The following NRG3 variants were observed in gnomAD, a reference collection of about 807,000 sequenced individuals.
NRG3 encodes the protein pro-neuregulin-3, membrane-bound isoform.
NRG3 carries 31 observed loss-of-function variants against 66.9 expected under a neutral mutation model. That is an observed-to-expected ratio of 0.46 (90% CI 0.35 to 0.63). NRG3 has a LOEUF of 0.63. Ranked by LOEUF, NRG3 falls within the 20% of genes least tolerant of loss-of-function variation. The pLI is 0.00. For synonymous variants in NRG3, 393 were observed against 359.4 expected (o/e 1.09, Z -1.06); for missense variants, 910 against 878.9 (o/e 1.04, Z -0.45).
intron 1 of NRG3, among the ~76,000 whole-genome samples, chr10:82,235,198 T>C (rs2076694736): frequency 6.6e-6 from 1 of 152,240 alleles, no homozygotes; most frequent in Non-Finnish European, 1.5e-5. Flanking sequence ...GGAACACAGC[T>C]GCACCCTTTC....
At chr10:82,374,727 T>G (rs2085103114) in intron 2 of NRG3, among the ~76,000 whole-genome samples, 1 of 152,134 alleles carries the variant, frequency 6.6e-6, no homozygotes, top group Non-Finnish European at 1.5e-5. Flanking sequence ...GAACTAAGCC[T>G]TGCTGCTCAG....
intron 1 of NRG3, among the ~76,000 whole-genome samples, chr10:82,295,275 G>T (rs2079992406): frequency 6.6e-6 from 1 of 152,172 alleles, no homozygotes; most frequent in Non-Finnish European, 1.5e-5. Flanking sequence ...ATGTAGATGG[G>T]ATTCCATGGA....
chr10:82,013,032 A>G (rs1181127330), intron 1 of NRG3, among the ~76,000 whole-genome samples: 2 of 151,878 alleles, frequency 1.3e-5, no homozygotes, highest in Non-Finnish European at 2.9e-5. Flanking sequence ...GCTGCACCCC[A>G]CTCTACCAGT....
intron 2 of NRG3, among the ~76,000 whole-genome samples, chr10:82,456,217 C>G (rs931189346): frequency 6.8e-6 from 1 of 146,270 alleles, no homozygotes; most frequent in South Asian, 2.2e-4. Flanking sequence ...GATCATGGCT[C>G]ACTCCCACCT....
chr10:82,501,474 C>T (rs927063790), intron 2 of NRG3, among the ~76,000 whole-genome samples: 1 of 152,134 alleles, frequency 6.6e-6, no homozygotes, highest in Non-Finnish European at 1.5e-5. Context: ...CCATGACCTG[C>T]CAGCCCCTTC....
intron 3 of NRG3, among the ~76,000 whole-genome samples, chr10:82,854,087 G>A (rs1019933969): frequency 6.6e-6 from 1 of 152,166 alleles, no homozygotes; most frequent in African/African-American, 2.4e-5. Flanking sequence ...ATATGCTATT[G>A]GAAAGGCACT....
At chr10:82,095,763 A>T (rs570740917) in intron 1 of NRG3, among the ~76,000 whole-genome samples, 103 of 152,344 alleles carry the variant, frequency 6.8e-4, no homozygotes, top group Admixed American at 1.5e-3. Flanking sequence ...CCTCTCTGGG[A>T]ATGAGCTAAA....
chr10:82,280,907 C>T (rs1206029998), intron 1 of NRG3, among the ~76,000 whole-genome samples: 2 of 152,322 alleles, frequency 1.3e-5, no homozygotes, highest in Middle Eastern at 3.4e-3. Flanking sequence ...CCAGAGCAGA[C>T]CCATGCCTGC....
At chr10:82,689,019 G>GA (rs1489766303) in intron 2 of NRG3, among the ~76,000 whole-genome samples, 1 of 152,046 alleles carries the variant, frequency 6.6e-6, no homozygotes, top group African/African-American at 2.4e-5. Context: ...TTCCTTAGCA[G>GA]AAAAAATGTT....
chr10:82,097,435 ATATAT>A (rs1040832863), intron 1 of NRG3, among the ~76,000 whole-genome samples: 1 of 144,472 alleles, frequency 6.9e-6, no homozygotes, highest in African/African-American at 2.6e-5. Context: ...ATATATATAT[ATATAT>A]ATCTGTAATA....
chr10:82,516,334 T>C (rs1390810916), intron 2 of NRG3, among the ~76,000 whole-genome samples: 1 of 152,138 alleles, frequency 6.6e-6, no homozygotes, highest in Non-Finnish European at 1.5e-5. Flanking sequence ...ATCTAGGACT[T>C]ACTGCAGCAG....
intron 1 of NRG3, among the ~76,000 whole-genome samples, chr10:81,887,905 T>C (rs1273094842): frequency 6.6e-6 from 1 of 152,150 alleles, no homozygotes; most frequent in African/African-American, 2.4e-5. Context: ...ATATGGGTGC[T>C]GGTTACATGA....
chr10:82,591,098 T>C (rs1376137891), intron 2 of NRG3, among the ~76,000 whole-genome samples: 1 of 152,202 alleles, frequency 6.6e-6, no homozygotes, highest in African/African-American at 2.4e-5. Flanking sequence ...ACATTTCATA[T>C]TCTTTTCACT....
intron 2 of NRG3, among the ~76,000 whole-genome samples, chr10:82,531,124 G>A (rs687758): frequency 0.35 from 52,654 of 151,290 alleles, 10,530 homozygotes; most frequent in African/African-American, 0.55. Context: ...TTTAGTGAAA[G>A]TATTTTCTCA....
At chr10:82,425,148 C>T (rs546621320) in intron 2 of NRG3, among the ~76,000 whole-genome samples, 6 of 152,148 alleles carry the variant, frequency 3.9e-5, no homozygotes, top group Admixed American at 3.3e-4. Context: ...TCTCTACGAA[C>T]TTAGGATTAA....
chr10:82,800,087 G>A (rs945437436), intron 3 of NRG3, among the ~76,000 whole-genome samples: 2 of 151,786 alleles, frequency 1.3e-5, no homozygotes, highest in South Asian at 4.2e-4. Flanking sequence ...TTCCTCTTTG[G>A]ATTTATAGCC....
chr10:82,888,642 A>G (rs1301192592), intron 4 of NRG3, among the ~76,000 whole-genome samples: 1 of 152,206 alleles, frequency 6.6e-6, no homozygotes. Context: ...GAATGATTAA[A>G]ACTGACAAAG....
chr10:82,721,198 C>G (rs1185114092), intron 2 of NRG3, among the ~76,000 whole-genome samples: 4 of 121,158 alleles, frequency 3.3e-5, no homozygotes, highest in Non-Finnish European at 6.4e-5. Context: ...GTAGCGTGAT[C>G]TCCGCTCACT....
intron 1 of NRG3, among the ~76,000 whole-genome samples, chr10:81,914,427 A>G (rs963841081): frequency 5.3e-5 from 8 of 152,044 alleles, no homozygotes; most frequent in African/African-American, 1.9e-4. Flanking sequence ...AAAATGCTCA[A>G]TTTGCTCTTA....
Sources: allele counts gnomAD v4.1 joint callset (sites outside exome capture counted in the v4.1 genomes callset), GRCh38; gene constraint gnomAD v4.1.1; transcripts MANE v1.5; gene names NCBI Gene and HGNC (gene_info 2026-07-23, HGNC 2026-07-21).